Variants in PI4K2B observed in about 807,000 individuals in gnomAD.
PI4K2B encodes the protein phosphatidylinositol 4-kinase type 2-beta.
In PI4K2B, 46 loss-of-function variants were observed where a neutral mutation model predicts 56.6. The observed-to-expected ratio is 0.81, with a 90% CI of 0.64 to 1.04. The LOEUF (loss-of-function observed/expected upper bound fraction) is 1.04. PI4K2B is among the 50% of genes least tolerant of loss of function. The pLI, the probability that PI4K2B is intolerant of heterozygous loss-of-function variation, is 0.00. For synonymous variants in PI4K2B, 211 were observed against 223.8 expected, an observed-to-expected ratio of 0.94 and a Z score of 0.51; for missense variants, 556 against 607.7, an observed-to-expected ratio of 0.91 and a Z score of 0.89.
At chr4:25,263,126 G>GC (rs1176920327) in intron 6 of PI4K2B, among the ~76,000 whole-genome samples, 2 of 152,080 alleles carry the variant, frequency 1.3e-5, no homozygotes, top group Non-Finnish European at 2.9e-5. Flanking sequence ...GGCAGAAACT[G>GC]CCCCCATGAT....
chr4:25,267,147 G>C (rs190315992), intron 7 of PI4K2B, among the ~76,000 whole-genome samples: 1 of 152,350 alleles, frequency 6.6e-6, no homozygotes, highest in African/African-American at 2.4e-5. Context: ...ACAACTGCAA[G>C]TGAGCCTTTG....
At chr4:25,249,518 G>A (rs528075399) in intron 1 of PI4K2B, among the ~76,000 whole-genome samples, 1,511 of 143,694 alleles carry the variant, frequency 0.011, 49 homozygotes, top group African/African-American at 0.035. Flanking sequence ...GCTGCCGGGC[G>A]GAGGGGCTCC....
intron 1 of PI4K2B, among the ~76,000 whole-genome samples, chr4:25,245,466 G>C (rs536437229): frequency 1.3e-5 from 2 of 152,102 alleles, no homozygotes; most frequent in Non-Finnish European, 2.9e-5. Flanking sequence ...TGGTACCTGC[G>C]GAGCTGCATG....
chr4:25,242,936 C>T (rs1224843341), intron 1 of PI4K2B, among the ~76,000 whole-genome samples: 1 of 152,184 alleles, frequency 6.6e-6, no homozygotes, highest in South Asian at 2.1e-4. Context: ...ATATCCCTCC[C>T]TAATAAGGGT....
chr4:25,266,243 C>T (rs1003016737), intron 7 of PI4K2B, among the ~76,000 whole-genome samples: 38 of 152,208 alleles, frequency 2.5e-4, no homozygotes, highest in African/African-American at 8.9e-4. Flanking sequence ...TCATAGCTTA[C>T]TGCAGCCTCA....
At chr4:25,235,526 CA>C (rs1715222854) in intron 1 of PI4K2B, among the ~76,000 whole-genome samples, 1 of 152,164 alleles carries the variant, frequency 6.6e-6, no homozygotes, top group Non-Finnish European at 1.5e-5. Context: ...CAGAGAATCC[CA>C]AGGGGAGCAG....
intron 6 of PI4K2B, among the ~76,000 whole-genome samples, chr4:25,262,925 C>T (rs1577693250): frequency 6.6e-6 from 1 of 152,158 alleles, no homozygotes; most frequent in South Asian, 2.1e-4. Flanking sequence ...GACGAAATAC[C>T]CAAGGCTGGG....
intron 1 of PI4K2B, among the ~76,000 whole-genome samples, chr4:25,249,278 G>T: frequency 6.6e-6 from 1 of 151,986 alleles, no homozygotes; most frequent in Non-Finnish European, 1.5e-5. Flanking sequence ...TTATCTATTC[G>T]ACAAAACCGC....
chr4:25,268,310 T>C (rs1333541149), intron 7 of PI4K2B, 133 bp from the exon 8 acceptor site: 3 of 683,114 alleles, frequency 4.4e-6, no homozygotes, highest in Non-Finnish European at 7.4e-6. Flanking sequence ...CAGTGGGTAG[T>C]TGTACTCTGA....
At chr4:25,241,353 T>C (rs372123186) in intron 1 of PI4K2B, among the ~76,000 whole-genome samples, 20 of 152,334 alleles carry the variant, frequency 1.3e-4, no homozygotes, top group African/African-American at 4.3e-4. Context: ...TCTCCACAAA[T>C]GAACTTCCAT....
At chr4:25,255,349 T>C (rs1442864598) in intron 3 of PI4K2B, 84 bp downstream of exon 3, 1 of 1,233,308 alleles carries the variant, frequency 8.1e-7, no homozygotes, top group Non-Finnish European at 1.2e-6. Flanking sequence ...TTCCTAATGA[T>C]AGAACCTAAA....
rs1716577348 is a variant in PI4K2B, at chr4:25,264,012, T to C, written c.1078+163T>C. Among the ~76,000 whole-genome samples, 3 of 152,164 alleles carry C rather than the reference T, an allele frequency of 2.0e-5. No homozygotes were observed. In the South Asian group the frequency reaches 6.2e-4, roughly 32 times the overall value. On this transcript the variant is annotated intron_variant, in intron 7 of 9. Transcript: ENST00000264864. ...AGGGATGCAAATGTATACTACAGGG[T>C]CTTGCTATGAATTTTTTGCTTATTC...
At chr4:25,269,709 T>G (rs910419952) in intron 9 of PI4K2B, among the ~76,000 whole-genome samples, 6 of 150,370 alleles carry the variant, frequency 4.0e-5, no homozygotes, top group African/African-American at 9.9e-5. Context: ...ATTAGGTGGG[T>G]TTTTTTTGTT....
intron 7 of PI4K2B, among the ~76,000 whole-genome samples, chr4:25,266,836 C>T (rs1716678576): frequency 6.6e-6 from 1 of 152,022 alleles, no homozygotes; most frequent in Non-Finnish European, 1.5e-5. Context: ...GTAGTGTTTG[C>T]TATTACTGAG....
chr4:25,263,960 A>C, intron 7 of PI4K2B, 111 bp downstream of exon 7: 1 of 567,614 alleles, frequency 1.8e-6, no homozygotes, highest in Non-Finnish European at 3.2e-6. Context: ...AAATATGATT[A>C]TTCATTAAGG....
At chr4:25,244,866 C>T (rs781142546) in intron 1 of PI4K2B, among the ~76,000 whole-genome samples, 10 of 151,702 alleles carry the variant, frequency 6.6e-5, no homozygotes, top group African/African-American at 1.7e-4. Context: ...TGACCCTTAC[C>T]GACCCTTACC....
intron 9 of PI4K2B, 52 bp downstream of exon 9, chr4:25,269,255 AGTCAACT>A: frequency 1.0e-6 from 1 of 977,550 alleles, no homozygotes; most frequent in Non-Finnish European, 1.6e-6. Context: ...TTGAAACAGT[AGTCAACT>A]GTTTTCCCCA....
At chr4:25,250,012 A>G (rs1245693824) in intron 1 of PI4K2B, among the ~76,000 whole-genome samples, 1 of 152,202 alleles carries the variant, frequency 6.6e-6, no homozygotes, top group African/African-American at 2.4e-5. Context: ...ACGGTCAGGA[A>G]CTGGAGACCA....
intron 2 of PI4K2B, among the ~76,000 whole-genome samples, chr4:25,253,694 T>C (rs1716147529): frequency 6.6e-6 from 1 of 152,248 alleles, no homozygotes; most frequent in Admixed American, 6.5e-5. Context: ...TGAATATGAG[T>C]ATATTGTATC....
Sources: gnomAD v4.1 joint callset for allele counts (sites outside exome capture counted in the v4.1 genomes callset) on GRCh38, gnomAD v4.1.1 for gene constraint, MANE v1.5 for transcripts, NCBI Gene and HGNC (gene_info 2026-07-23, HGNC 2026-07-21) for gene names.